CALN1: variants seen among roughly 807,000 people sequenced by gnomAD.
CALN1 encodes calcium-binding protein 8.
Under a neutral mutation model 30.6 loss-of-function variants are expected in CALN1, and 17 were observed. That is an observed-to-expected ratio of 0.56 (90% CI 0.38 to 0.83). The LOEUF is 0.83. Among genes scored for constraint, CALN1 ranks in the 40% least tolerant of loss-of-function variants. The pLI, the probability that CALN1 is intolerant of heterozygous loss-of-function variation, is 0.00. For missense variants in CALN1, 291 were observed against 354.9 expected (o/e 0.82, Z 1.45); for synonymous variants, 156 against 131.4 (o/e 1.19, Z -1.28).
Position 72,087,888 on chromosome 7 carries a change from C to A in CALN1, c.388+18263G>T, listed in dbSNP as rs149626698. 3.0e-3 allele frequency among the ~76,000 whole-genome samples: 451 copies of A among 152,174 alleles called. 2 individuals carry two copies. The highest frequency in any genetic ancestry group is 9.9e-3 in the African/African-American group (411 of 41,508). ...CTAAAAATTGAGAGTGTACGCTGGGCGTGATGGTGCACGCCTGTAATCCCA... is the reference window on the plus strand; with the variant it reads ...CTAAAAATTGAGAGTGTACGCTGGGAGTGATGGTGCACGCCTGTAATCCCA... On this transcript the variant is annotated intron_variant, in intron 4 of 6. Coordinates refer to ENST00000395275, the MANE Select transcript of CALN1 (RefSeq NM_031468.4).
chr7:72,405,658 TCTC>T lies in CALN1; in HGVS notation c.-73-2219_-73-2217del, dbSNP rs1316897765. Among the ~76,000 whole-genome samples, 3 of 152,006 alleles carry T rather than the reference TCTC, an allele frequency of 2.0e-5. No individual in the cohort carries two copies. In the East Asian group the frequency reaches 5.8e-4, roughly 29 times the overall value. On this transcript the variant is annotated intron_variant, in intron 1 of 6. Coordinates refer to ENST00000395275, the MANE Select transcript of CALN1 (RefSeq NM_031468.4). Reference sequence around the variant, plus strand: ...GCACATGCCGAAACTCTTGGAGACTTCTCTAGTTAGCTCGTTAAGTTAAACAGG... The same window carrying T: ...GCACATGCCGAAACTCTTGGAGACTTTAGTTAGCTCGTTAAGTTAAACAGG...
At chr7:72,463,674 C>G in the CALN1 span, among the ~76,000 whole-genome samples, 2 of 152,094 alleles carry the variant, frequency 1.3e-5, no homozygotes, top group Non-Finnish European at 2.9e-5. Flanking sequence ...ACCCTCCCAC[C>G]TTAGCCTCCC....
intron 3 of CALN1, among the ~76,000 whole-genome samples, chr7:72,272,476 C>T (rs532873628): frequency 2.2e-4 from 33 of 152,168 alleles, no homozygotes; most frequent in Non-Finnish European, 3.7e-4. Context: ...GCCGGAGAAT[C>T]ACTTGAACCC....
chr7:71,963,458 G>GC (rs1365172901), intron 5 of CALN1, among the ~76,000 whole-genome samples: 6 of 152,156 alleles, frequency 3.9e-5, no homozygotes, highest in African/African-American at 1.2e-4. Context: ...ACTGTGCCCA[G>GC]CCCACACAGC....
At chr7:71,832,938 T>C (rs1789379585) in intron 5 of CALN1, among the ~76,000 whole-genome samples, 1 of 152,176 alleles carries the variant, frequency 6.6e-6, no homozygotes, top group Non-Finnish European at 1.5e-5. Context: ...TCATCCAGCC[T>C]TGTCATTGTG....
chr7:72,406,821 G>A (rs1285526002), intron 1 of CALN1, among the ~76,000 whole-genome samples: 2 of 151,944 alleles, frequency 1.3e-5, no homozygotes, highest in African/African-American at 4.8e-5. Flanking sequence ...TCACCATCTT[G>A]GCCAGGCTGG....
intron 3 of CALN1, among the ~76,000 whole-genome samples, chr7:72,244,787 GA>G (rs1245642972): frequency 2.0e-5 from 3 of 152,016 alleles, no homozygotes; most frequent in Non-Finnish European, 2.9e-5. Context: ...CCAATGGATA[GA>G]AAGAATGACT....
At position 71,998,701 on chromosome 7, in the gene CALN1, C is replaced by T. The variant is rs58251256; in HGVS notation, c.501+24956G>A. On this transcript the variant is annotated intron_variant, in intron 5 of 6. Transcript: ENST00000395275. Reference sequence around the variant, plus strand: ...TATCATGCCTCAGCCTCCCAAGTAGCGTACACCAACATGCCCAGCTAATTT... The same window carrying T: ...TATCATGCCTCAGCCTCCCAAGTAGTGTACACCAACATGCCCAGCTAATTT... Among the ~76,000 whole-genome samples the T allele has an allele frequency of 0.016, 2,432 of 151,862 alleles. 282 individuals are homozygous for T. In the East Asian group the frequency reaches 0.32, roughly 20 times the overall value.
At chr7:72,450,825 G>A (rs890497427), upstream of CALN1, among the ~76,000 whole-genome samples, 1 of 152,140 alleles carries the variant, frequency 6.6e-6, no homozygotes, top group East Asian at 1.9e-4. Context: ...GCTACAGAGT[G>A]AGACTCTGTT....
chr7:71,916,084 A>G (rs1562897219), intron 5 of CALN1, among the ~76,000 whole-genome samples: 1 of 152,110 alleles, frequency 6.6e-6, no homozygotes, highest in Admixed American at 6.6e-5. Flanking sequence ...CTAGACATCA[A>G]TGGTAAGGAT....
chr7:71,802,261 C>T (rs927276409), intron 6 of CALN1, among the ~76,000 whole-genome samples: 1 of 152,120 alleles, frequency 6.6e-6, no homozygotes, highest in African/African-American at 2.4e-5. Flanking sequence ...TAGATGCCAG[C>T]AACTGGAACC....
chr7:72,474,143 C>T, the CALN1 span, among the ~76,000 whole-genome samples: 1 of 152,036 alleles, frequency 6.6e-6, no homozygotes, highest in Non-Finnish European at 1.5e-5. Context: ...ACCGGGAAAA[C>T]ATTCATCAAG....
intron 5 of CALN1, among the ~76,000 whole-genome samples, chr7:71,827,950 G>C (rs76992121): frequency 2.0e-4 from 30 of 152,210 alleles, no homozygotes; most frequent in Non-Finnish European, 1.8e-4. Flanking sequence ...CATGAGGCTA[G>C]AACGTGCTCT....
At chr7:72,164,548 G>A (rs574340679) in intron 3 of CALN1, among the ~76,000 whole-genome samples, 7 of 152,290 alleles carry the variant, frequency 4.6e-5, no homozygotes, top group African/African-American at 1.7e-4. Context: ...CAGCCCAGCT[G>A]ACACCTTCAT....
chr7:71,825,703 A>T (rs1371255433), intron 5 of CALN1, among the ~76,000 whole-genome samples: 2 of 152,054 alleles, frequency 1.3e-5, no homozygotes, highest in Admixed American at 6.6e-5. Context: ...AAGAAATGGA[A>T]GACTGGTAAA....
intron 4 of CALN1, among the ~76,000 whole-genome samples, chr7:72,085,774 T>C (rs1175923253): frequency 6.6e-6 from 1 of 152,214 alleles, no homozygotes; most frequent in African/African-American, 2.4e-5. Context: ...ATTTGAATTA[T>C]GTCTCACTTA....
At chr7:72,242,613 C>A (rs572910223) in intron 3 of CALN1, among the ~76,000 whole-genome samples, 4 of 152,126 alleles carry the variant, frequency 2.6e-5, no homozygotes, top group Non-Finnish European at 1.5e-5. Flanking sequence ...TAAGGCCAGG[C>A]GCAGTGGCTC....
At chr7:72,242,663 A>G (rs888222938) in intron 3 of CALN1, among the ~76,000 whole-genome samples, 1 of 152,178 alleles carries the variant, frequency 6.6e-6, no homozygotes, top group Non-Finnish European at 1.5e-5. Flanking sequence ...TGAGGTGGGC[A>G]GATCACTTGA....
At chr7:72,195,578 T>C (rs1790929796) in intron 3 of CALN1, among the ~76,000 whole-genome samples, 2 of 152,086 alleles carry the variant, frequency 1.3e-5, no homozygotes, top group African/African-American at 4.8e-5. Context: ...GGGGTCTCAC[T>C]ATGTTGTCCA....
Sources: gnomAD v4.1 joint callset for allele counts (sites outside exome capture counted in the v4.1 genomes callset) on GRCh38, gnomAD v4.1.1 for gene constraint, MANE v1.5 for transcripts, NCBI Gene and HGNC (gene_info 2026-07-23, HGNC 2026-07-21) for gene names.